Variants in PRKN observed in about 807,000 individuals in gnomAD.
PRKN encodes the protein parkin RBR E3 ubiquitin protein ligase, also known as E3 ubiquitin-protein ligase parkin.
PRKN carries 56 observed loss-of-function variants against 59.5 expected under a neutral mutation model. The ratio of observed to expected loss-of-function variants is 0.94; its 90% CI spans 0.76 to 1.18. The LOEUF (loss-of-function observed/expected upper bound fraction) is 1.18, where lower values mean the gene tolerates loss of function less well. Ranked by LOEUF, PRKN falls within the 50% of genes most tolerant of loss-of-function variation. The pLI is 0.00. For missense variants in PRKN, 657 were observed against 596.4 expected (o/e 1.10, Z -1.06); for synonymous variants, 250 against 222.1 (o/e 1.13, Z -1.12).
chr6:161,810,475 C>T (rs9456713), intron 6 of PRKN, among the ~76,000 whole-genome samples: 4,294 of 152,200 alleles, frequency 0.028, 204 homozygotes, highest in African/African-American at 0.099. Flanking sequence ...GTGTGACCTC[C>T]TTAAAATTTA....
intron 1 of PRKN, among the ~76,000 whole-genome samples, chr6:162,566,593 C>CAA (rs1352782970): frequency 6.6e-6 from 1 of 152,076 alleles, no homozygotes; most frequent in East Asian, 1.9e-4. Context: ...CAAAAAAATC[C>CAA]AAAACCCAAA....
chr6:162,351,362 A>G (rs1243680914), intron 2 of PRKN, among the ~76,000 whole-genome samples: 2 of 152,334 alleles, frequency 1.3e-5, no homozygotes, highest in East Asian at 3.9e-4. Flanking sequence ...AGGAAAATGC[A>G]AATTAAGACC....
At chr6:161,804,234 G>A (rs967682269) in intron 6 of PRKN, among the ~76,000 whole-genome samples, 2 of 152,236 alleles carry the variant, frequency 1.3e-5, no homozygotes, top group Admixed American at 6.5e-5. Context: ...CGACACCCAA[G>A]AGGAGAGAGG....
intron 1 of PRKN, among the ~76,000 whole-genome samples, chr6:162,548,049 G>C (rs1026338997): frequency 8.1e-6 from 1 of 122,720 alleles, no homozygotes; most frequent in Non-Finnish European, 1.8e-5. Context: ...CTTCCTCTCT[G>C]AGTTTTTTGT....
At chr6:162,629,588 A>C (rs774999434) in intron 1 of PRKN, among the ~76,000 whole-genome samples, 3 of 152,192 alleles carry the variant, frequency 2.0e-5, no homozygotes, top group Non-Finnish European at 4.4e-5. Context: ...CAGCAGACCA[A>C]AATATTGAAT....
chr6:162,612,066 G>T (rs532637989), intron 1 of PRKN, among the ~76,000 whole-genome samples: 1 of 150,962 alleles, frequency 6.6e-6, no homozygotes, highest in African/African-American at 2.4e-5. Context: ...GGTGGCGGGC[G>T]CCTGTAGTCC....
rs1781806373 is a variant in PRKN, at chr6:161,593,637, T to C, written c.872-24221A>G. Among the ~76,000 whole-genome samples the C allele has an allele frequency of 6.6e-6, 1 of 152,124 alleles. No individual in the cohort carries two copies. Among genetic ancestry groups the C allele is most frequent in the Admixed American group, 6.5e-5 (1 of 15,280 alleles). Reference sequence around the variant, plus strand: ...AAGGAGGCAGGGGTTGCGCTGCCACTTTTATCCTGAGGAACCGGCTGGACA... The same window carrying C: ...AAGGAGGCAGGGGTTGCGCTGCCACCTTTATCCTGAGGAACCGGCTGGACA... On this transcript the variant is annotated intron_variant, in intron 7 of 11. Transcript: ENST00000366898. This position sits in a 1 kb window ranked among gnomAD's most constrained non-coding sequence, Gnocchi z 4.8.
intron 3 of PRKN, among the ~76,000 whole-genome samples, chr6:162,223,612 GACACACACAC>G (rs34881644): frequency 4.3e-4 from 56 of 129,302 alleles, no homozygotes; most frequent in East Asian, 2.5e-3. Context: ...ATAGACACGT[GACACACACAC>G]ACACACACAC....
chr6:161,830,396 T>G (rs545458116), intron 6 of PRKN, among the ~76,000 whole-genome samples: 2 of 151,992 alleles, frequency 1.3e-5, no homozygotes, highest in African/African-American at 2.4e-5. Context: ...GGACTACAGG[T>G]GCCCGCCACC....
At chr6:162,529,152 G>T (rs1403694021) in intron 1 of PRKN, among the ~76,000 whole-genome samples, 1 of 152,100 alleles carries the variant, frequency 6.6e-6, no homozygotes, top group Non-Finnish European at 1.5e-5. Context: ...GGGATTACTG[G>T]CATGAGCCAC....
intron 7 of PRKN, among the ~76,000 whole-genome samples, chr6:161,585,769 GC>G (rs1781501083): frequency 6.6e-6 from 1 of 152,112 alleles, no homozygotes. Flanking sequence ...CCTGCCTCTT[GC>G]CTTTTTATTT....
chr6:161,388,970 T>C lies in PRKN; in HGVS notation c.1084-2093A>G, dbSNP rs987890252. 6.6e-6 allele frequency among the ~76,000 whole-genome samples: 1 copy of C among 152,248 alleles called. No homozygotes were observed. Among genetic ancestry groups the C allele is most frequent in the Admixed American group, 6.5e-5 (1 of 15,288 alleles). ...GATACAGTAATAAATAAGAATATAATATGCTGAAAGTAGTGTCTGGAAGAT... is the reference window on the plus strand; with the variant it reads ...GATACAGTAATAAATAAGAATATAACATGCTGAAAGTAGTGTCTGGAAGAT... On this transcript the variant is annotated intron_variant, in intron 9 of 11. Transcript: ENST00000366898. This position sits in a 1 kb window ranked among gnomAD's most constrained non-coding sequence, Gnocchi z 4.3.
At chr6:162,240,378 T>C (rs1157748344) in intron 3 of PRKN, among the ~76,000 whole-genome samples, 1 of 152,184 alleles carries the variant, frequency 6.6e-6, no homozygotes, top group African/African-American at 2.4e-5. Context: ...ACGCATGCCC[T>C]ATGTGTGGAC....
intron 4 of PRKN, among the ~76,000 whole-genome samples, chr6:162,148,754 A>C (rs1166200569): frequency 6.6e-6 from 1 of 152,202 alleles, no homozygotes; most frequent in Non-Finnish European, 1.5e-5. Flanking sequence ...TGGGCAGTAG[A>C]ATTCTGAGAT....
chr6:161,426,644 TACACACAC>T (rs546537464), intron 9 of PRKN, among the ~76,000 whole-genome samples: 7 of 31,014 alleles, frequency 2.3e-4, no homozygotes, highest in South Asian at 1.7e-3. Context: ...AACTCCCCTT[TACACACAC>T]ACACACACAC....
intron 5 of PRKN, among the ~76,000 whole-genome samples, chr6:162,049,643 A>G (rs1427223479): frequency 1.4e-4 from 22 of 152,170 alleles, no homozygotes; most frequent in Admixed American, 1.2e-3. Context: ...TACACTCCAA[A>G]TATCTGCTAT....
chr6:161,982,275 A>T lies in PRKN; in HGVS notation c.619-8858T>A, dbSNP rs924044056. ...AAAGAGGAGACAAACAAATGGAAGAACATTCCATGCTCATGGGTAGGAAGA... is the reference window on the plus strand; with the variant it reads ...AAAGAGGAGACAAACAAATGGAAGATCATTCCATGCTCATGGGTAGGAAGA... On this transcript the variant is annotated intron_variant, in intron 5 of 11. Transcript: ENST00000366898. Among the ~76,000 whole-genome samples, 18 of 125,760 alleles carry T rather than the reference A, an allele frequency of 1.4e-4. 2 individuals are homozygous for T. The highest frequency in any genetic ancestry group is 3.4e-5 in the Non-Finnish European group (2 of 58,132). 82.5% of individuals were successfully genotyped at this position (125,760 alleles called of 152,430 possible).
intron 5 of PRKN, among the ~76,000 whole-genome samples, chr6:162,020,598 T>C (rs537546640): frequency 6.6e-6 from 1 of 152,186 alleles, no homozygotes; most frequent in East Asian, 1.9e-4. Context: ...ACAAAAAAGT[T>C]CAAGCTTATC....
chr6:162,647,400 A>G (rs2128225813), intron 1 of PRKN, among the ~76,000 whole-genome samples: 1 of 152,232 alleles, frequency 6.6e-6, no homozygotes, highest in Middle Eastern at 3.4e-3. Context: ...GACTTAACAA[A>G]TCTTAACACT....
Sources: allele counts gnomAD v4.1 joint callset (sites outside exome capture counted in the v4.1 genomes callset), GRCh38; gene constraint gnomAD v4.1.1; non-coding constraint Gnocchi (gnomAD v3.1); transcripts MANE v1.5; gene names NCBI Gene and HGNC (gene_info 2026-07-23, HGNC 2026-07-21).